The following MTREX variants were observed in gnomAD, a reference collection of about 807,000 sequenced individuals.
MTREX encodes the protein Mtr4 exosome RNA helicase, also known as exosome RNA helicase MTR4.
In MTREX, 76 loss-of-function variants were observed where a neutral mutation model predicts 135.4. The ratio of observed to expected loss-of-function variants is 0.56; its 90% CI spans 0.47 to 0.68. The LOEUF is 0.68. Among genes scored for constraint, MTREX ranks in the 30% least tolerant of loss-of-function variants. The probability of loss-of-function intolerance (pLI) is 0.00; values close to 1 mark genes in which losing one functional copy is unlikely to be tolerated. For synonymous variants in MTREX, 404 were observed against 401.6 expected, an observed-to-expected ratio of 1.01 and a Z score of -0.07; for missense variants, 920 against 1,262.1, an observed-to-expected ratio of 0.73 and a Z score of 4.11.
At chr5:55,346,294 G>A (rs1233975752) in intron 10 of MTREX, among the ~76,000 whole-genome samples, 2 of 152,162 alleles carry the variant, frequency 1.3e-5, no homozygotes, top group Non-Finnish European at 2.9e-5. Context: ...CCAGGAATGT[G>A]TGAGGGTTCC....
chr5:55,405,683 C>A, intron 22 of MTREX, 95 bp downstream of exon 22: 2 of 1,122,548 alleles, frequency 1.8e-6, no homozygotes, highest in Non-Finnish European at 1.3e-6. Context: ...CTCACTGTTG[C>A]CCAGGCTGGA....
intron 18 of MTREX, among the ~76,000 whole-genome samples, chr5:55,381,350 G>A (rs1247000267): frequency 2.0e-5 from 3 of 152,020 alleles, no homozygotes; most frequent in Admixed American, 1.3e-4. Flanking sequence ...TTATTAACTT[G>A]AGATACCTCT....
intron 16 of MTREX, among the ~76,000 whole-genome samples, chr5:55,374,152 G>A (rs1183993480): frequency 1.3e-5 from 2 of 151,874 alleles, no homozygotes; most frequent in African/African-American, 2.4e-5. Flanking sequence ...CAGTTACTCA[G>A]AAGGCTGAGG....
At chr5:55,356,808 G>T (rs10805473) in intron 14 of MTREX, 154,435 of 154,520 alleles carry the variant, frequency 1, 77,175 homozygotes, top group Non-Finnish European at 1. Context: ...TCATCAGGCC[G>T]TTGTAGTTGT....
At chr5:55,334,968 A>G (rs1164782185) in intron 5 of MTREX, among the ~76,000 whole-genome samples, 1 of 152,004 alleles carries the variant, frequency 6.6e-6, no homozygotes, top group Non-Finnish European at 1.5e-5. Context: ...CCTACCAGTA[A>G]TGTATGAGGG....
At chr5:55,346,701 G>A (rs1749745851) in intron 10 of MTREX, among the ~76,000 whole-genome samples, 1 of 151,752 alleles carries the variant, frequency 6.6e-6, no homozygotes, top group African/African-American at 2.4e-5. Context: ...TACATATTCT[G>A]GATACTAGAC....
intron 16 of MTREX, among the ~76,000 whole-genome samples, chr5:55,374,486 G>C (rs1750261972): frequency 6.6e-6 from 1 of 151,680 alleles, no homozygotes; most frequent in Admixed American, 6.6e-5. Flanking sequence ...GAATCTCACT[G>C]TCTCTCCCAG....
intron 21 of MTREX, among the ~76,000 whole-genome samples, chr5:55,402,818 T>TA (rs1467292971): frequency 2.1e-5 from 1 of 46,524 alleles, no homozygotes; most frequent in African/African-American, 6.3e-5. Flanking sequence ...TATAAGCACA[T>TA]TATATGTGTG....
intron 15 of MTREX, 80 bp from the exon 16 acceptor site, chr5:55,366,645 T>C (rs568605465): frequency 2.9e-5 from 30 of 1,032,080 alleles, no homozygotes; most frequent in South Asian, 1.2e-4. Flanking sequence ...TAGACTGTTA[T>C]TGAGCATTAT....
intron 1 of MTREX, among the ~76,000 whole-genome samples, chr5:55,319,584 C>T (rs565258800): frequency 6.6e-6 from 1 of 152,278 alleles, no homozygotes; most frequent in South Asian, 2.1e-4. Flanking sequence ...GCATGCTACC[C>T]TTATGAACTA....
At chr5:55,366,697 C>G (rs1325497694) in intron 15 of MTREX, 28 bp from the exon 16 acceptor site, 5 of 1,496,878 alleles carry the variant, frequency 3.3e-6, no homozygotes, top group Non-Finnish European at 4.5e-6. Flanking sequence ...TGGAAAACTA[C>G]AAAATTGACA....
At chr5:55,336,168 A>G (rs1214740856) in intron 5 of MTREX, among the ~76,000 whole-genome samples, 1 of 152,178 alleles carries the variant, frequency 6.6e-6, no homozygotes, top group Non-Finnish European at 1.5e-5. Flanking sequence ...CTTTCTATAT[A>G]GATGATAACA....
At chr5:55,386,740 A>G (rs1750487223) in intron 18 of MTREX, among the ~76,000 whole-genome samples, 1 of 152,154 alleles carries the variant, frequency 6.6e-6, no homozygotes, top group Non-Finnish European at 1.5e-5. Flanking sequence ...TAGAAACATT[A>G]AAGATTGCTC....
chr5:55,400,487 C>A, intron 21 of MTREX, 66 bp downstream of exon 21: 1 of 1,122,554 alleles, frequency 8.9e-7, no homozygotes, highest in Non-Finnish European at 1.3e-6. Context: ...ATGTGTTTGT[C>A]ATTTTCTTAT....
At chr5:55,392,992 C>T (rs766089435) in intron 19 of MTREX, among the ~76,000 whole-genome samples, 6 of 152,200 alleles carry the variant, frequency 3.9e-5, no homozygotes, top group East Asian at 1.9e-4. Flanking sequence ...TGGAGTCTTC[C>T]GGGGAACCAC....
At chr5:55,314,631 A>G (rs1165940301) in intron 1 of MTREX, among the ~76,000 whole-genome samples, 1 of 152,200 alleles carries the variant, frequency 6.6e-6, no homozygotes, top group African/African-American at 2.4e-5. Flanking sequence ...CTGCCAACAC[A>G]GCACCCTAGT....
intron 25 of MTREX, among the ~76,000 whole-genome samples, chr5:55,417,773 CT>C (rs1411150664): frequency 6.6e-6 from 1 of 152,268 alleles, no homozygotes; most frequent in Non-Finnish European, 1.5e-5. Flanking sequence ...AAACTAGTAA[CT>C]GTTCAATGCC....
intron 23 of MTREX, among the ~76,000 whole-genome samples, chr5:55,412,823 G>A (rs1194216903): frequency 2.0e-5 from 3 of 152,086 alleles, no homozygotes; most frequent in Non-Finnish European, 4.4e-5. Flanking sequence ...AAGACATTTC[G>A]CAGTCTTGGG....
Position 55,346,915 on chromosome 5 carries a change from C to T in MTREX, c.1109-98C>T, listed in dbSNP as rs1348311548. ...AACCCACGGTCAGGAAGATTTATTC[C>T]TATATTTTCTCTTAAAAGTTTTATA... On this transcript the variant is annotated intron_variant, in intron 10 of 26. Coordinates refer to ENST00000230640, the MANE Select transcript of MTREX (RefSeq NM_015360.5). 1.9e-5 allele frequency: 18 copies of T among 969,588 alleles called. No homozygotes were observed. In the South Asian group the frequency reaches 2.2e-4, roughly 12 times the overall value. 60.1% of individuals were successfully genotyped at this position (969,588 alleles called of 1,614,324 possible).
Sources: allele counts gnomAD v4.1 joint callset (sites outside exome capture counted in the v4.1 genomes callset), GRCh38; gene constraint gnomAD v4.1.1; transcripts MANE v1.5; gene names NCBI Gene and HGNC (gene_info 2026-07-23, HGNC 2026-07-21).